MGRN1: variants seen among roughly 807,000 people sequenced by gnomAD.
MGRN1 encodes mahogunin ring finger 1.
Under a neutral mutation model 69.2 loss-of-function variants are expected in MGRN1, and 29 were observed. That is an observed-to-expected ratio of 0.42 (90% confidence interval 0.31 to 0.57). The LOEUF is 0.57. Among genes scored for constraint, MGRN1 ranks in the 20% least tolerant of loss-of-function variants. The pLI, the probability that MGRN1 is intolerant of heterozygous loss-of-function variation, is 0.15. For synonymous variants in MGRN1, 470 were observed against 344.2 expected (o/e 1.37, Z -4.04); for missense variants, 998 against 796.2 (o/e 1.25, Z -3.05).
At chr16:4,656,363 GC>G in intron 4 of MGRN1, among the ~76,000 whole-genome samples, 1 of 152,336 alleles carries the variant, frequency 6.6e-6, no homozygotes, top group South Asian at 2.1e-4. Context: ...ACAGGACACA[GC>G]CCCTGATGTG....
At chr16:4,640,273 C>G (rs2078129212) in intron 1 of MGRN1, 1 of 152,602 alleles carries the variant, frequency 6.6e-6, no homozygotes, top group South Asian at 2.1e-4. Context: ...AAGACAGCCT[C>G]TGACCTGTGG....
chr16:4,683,351 G>A, intron 15 of MGRN1, 82 bp downstream of exon 15: 6 of 1,516,842 alleles, frequency 4.0e-6, no homozygotes, highest in Non-Finnish European at 5.4e-6. Flanking sequence ...GCTCCAGGTG[G>A]TGTTGGGCCA....
At chr16:4,681,423 C>A (rs2079179799) in intron 12 of MGRN1, 127 bp from the exon 13 acceptor site, 4 of 887,772 alleles carry the variant, frequency 4.5e-6, no homozygotes, top group African/African-American at 3.4e-5. Context: ...GAGCTCTTGG[C>A]CACCCTCTGA....
rs772249526 is a variant in MGRN1 at position 4,681,518 on chromosome 16, C to T, written c.1132-32C>T. On this transcript the variant is annotated intron_variant, in intron 12 of 16. Transcript: ENST00000262370. ...GTCTGGGGAGCAGGTGGTCCCTGGG[C>T]ATGAGCCCCCTCACGCACCCTGTCC... 1.8e-5 allele frequency: 28 copies of T among 1,585,146 alleles called. No individual in the cohort carries two copies. The East Asian group carries it at 6.1e-4, about 34-fold the overall frequency.
At chr16:4,673,782 C>T in intron 10 of MGRN1, 125 bp downstream of exon 10, 4 of 1,246,020 alleles carry the variant, frequency 3.2e-6, no homozygotes, top group South Asian at 2.9e-5. Context: ...TGTCATTCAT[C>T]TAGTCTGTGC....
intron 1 of MGRN1, among the ~76,000 whole-genome samples, chr16:4,642,956 TTTTTGTTTTG>T (rs568327230): frequency 3.6e-5 from 5 of 137,266 alleles, no homozygotes; most frequent in Admixed American, 7.3e-5. Context: ...TAGCTAATTT[TTTTTGTTTTG>T]TTTTGTTTTG....
At chr16:4,677,992 C>T (rs913350935) in intron 11 of MGRN1, among the ~76,000 whole-genome samples, 10 of 152,050 alleles carry the variant, frequency 6.6e-5, no homozygotes, top group African/African-American at 2.4e-4. Context: ...TGACCACGGG[C>T]GTGTACCACC....
chr16:4,666,187 G>A (rs185620175), intron 7 of MGRN1, among the ~76,000 whole-genome samples: 149 of 152,100 alleles, frequency 9.8e-4, no homozygotes, highest in Non-Finnish European at 1.7e-3. Context: ...GAGGGCTGTG[G>A]TGTGATCTCA....
intron 16 of MGRN1, 173 bp from the exon 17 acceptor site, chr16:4,688,623 G>A: frequency 7.2e-7 from 1 of 1,396,812 alleles, no homozygotes; most frequent in Non-Finnish European, 9.4e-7. Context: ...CACAGTTAGG[G>A]AGTCCCCGGG....
chr16:4,637,397 T>TCCA (rs1291474841), intron 1 of MGRN1, among the ~76,000 whole-genome samples: 1 of 151,824 alleles, frequency 6.6e-6, no homozygotes, highest in Admixed American at 6.6e-5. Context: ...GCCATTGCAC[T>TCCA]CCAGCCTGAG....
chr16:4,657,738 C>CTTTTTTTTTTTTTTTTTT (rs1157518931), intron 5 of MGRN1, among the ~76,000 whole-genome samples: 15 of 76,998 alleles, frequency 1.9e-4, no homozygotes, highest in South Asian at 5.4e-4. Flanking sequence ...TGCAGACATC[C>CTTTTTTTTTTTTTTTTTT]TTTTTTTTTT....
intron 10 of MGRN1, among the ~76,000 whole-genome samples, chr16:4,675,220 G>A (rs567444066): frequency 6.6e-6 from 1 of 152,094 alleles, no homozygotes; most frequent in African/African-American, 2.4e-5. Context: ...TGATCTGCCT[G>A]CCTTGGCCTC....
chr16:4,639,721 T>G (rs556843100), intron 1 of MGRN1: 48 of 152,332 alleles, frequency 3.2e-4, no homozygotes, highest in African/African-American at 1.1e-3. Flanking sequence ...CTCTTTCTCT[T>G]AGGGGTGTAC....
At chr16:4,687,890 G>C in intron 16 of MGRN1, 2 of 985,532 alleles carry the variant, frequency 2.0e-6, no homozygotes, top group Non-Finnish European at 2.4e-6. Flanking sequence ...GAGTCCCTCT[G>C]TTGACCCCTG....
At chr16:4,630,264 A>G (rs987553273) in intron 1 of MGRN1, among the ~76,000 whole-genome samples, 8 of 148,028 alleles carry the variant, frequency 5.4e-5, no homozygotes, top group African/African-American at 2.0e-4. Flanking sequence ...AGGCAGAAGA[A>G]TCGCTGGAAC....
intron 5 of MGRN1, chr16:4,663,963 C>A (rs1341716044): frequency 6.6e-6 from 1 of 152,322 alleles, no homozygotes; most frequent in Non-Finnish European, 1.5e-5. Context: ...TTTGCTGGGG[C>A]CAAGTCCGGT....
rs1491530560 is a variant in MGRN1 at position 4,687,579 on chromosome 16, A to ACACACACACACACG, written c.1619-1204_1619-1203insGCACACACACACAC. ...GACCCTGTCTCAAGAAAAAAAAAAT[A>ACACACACACACACG]CACACACACACACACACACACACAC... On this transcript the variant is annotated intron_variant, in intron 16 of 16. Coordinates refer to ENST00000262370, the MANE Select transcript of MGRN1 (RefSeq NM_015246.4). 8.0e-6 allele frequency: 3 copies of ACACACACACACACG among 375,766 alleles called. No homozygotes were observed. In the African/African-American group the frequency reaches 2.2e-4, roughly 27 times the overall value. The allele number at this position is 375,766 out of a possible 1,614,324, so 23.3% of individuals were successfully genotyped here.
intron 5 of MGRN1, among the ~76,000 whole-genome samples, chr16:4,659,576 C>T (rs965079916): frequency 2.0e-5 from 3 of 152,324 alleles, no homozygotes; most frequent in East Asian, 1.9e-4. Flanking sequence ...GCACTGGACC[C>T]GCCAGGGGGC....
At chr16:4,670,220 A>C (rs2078908002) in intron 8 of MGRN1, among the ~76,000 whole-genome samples, 1 of 151,532 alleles carries the variant, frequency 6.6e-6, no homozygotes, top group South Asian at 2.1e-4. Flanking sequence ...GCGCCACCAC[A>C]GTTGGTTAAT....
Sources: allele counts gnomAD v4.1 joint callset (sites outside exome capture counted in the v4.1 genomes callset), GRCh38; gene constraint gnomAD v4.1.1; transcripts MANE v1.5; gene names NCBI Gene and HGNC (gene_info 2026-07-23, HGNC 2026-07-21).